ATP8A1: variants seen among roughly 807,000 people sequenced by gnomAD.
The protein encoded by ATP8A1 is ATPase phospholipid transporting 8A1.
ATP8A1 carries 90 observed loss-of-function variants against 177.7 expected under a neutral mutation model. The observed-to-expected ratio is 0.51, with a 90% CI of 0.43 to 0.60. The LOEUF (loss-of-function observed/expected upper bound fraction) is 0.60. ATP8A1 is among the 20% of genes least tolerant of loss of function. The pLI, the probability that ATP8A1 is intolerant of heterozygous loss-of-function variation, is 0.00. For synonymous variants in ATP8A1, 493 were observed against 485.9 expected, an observed-to-expected ratio of 1.01 and a Z score of -0.19; for missense variants, 1,072 against 1,392.8, an observed-to-expected ratio of 0.77 and a Z score of 3.67.
At chr4:42,528,850 G>A (rs1185571204) in intron 20 of ATP8A1, among the ~76,000 whole-genome samples, 1 of 152,166 alleles carries the variant, frequency 6.6e-6, no homozygotes, top group East Asian at 1.9e-4. Flanking sequence ...AGATATTTGT[G>A]TGCCAGAGGA....
intron 18 of ATP8A1, among the ~76,000 whole-genome samples, chr4:42,549,602 A>C (rs1244415910): frequency 6.6e-6 from 1 of 152,086 alleles, no homozygotes; most frequent in Non-Finnish European, 1.5e-5. Context: ...CAGCCTTGGC[A>C]ATATAGCAAG....
intron 1 of ATP8A1, among the ~76,000 whole-genome samples, chr4:42,632,739 C>T (rs1040797999): frequency 5.9e-5 from 9 of 152,226 alleles, no homozygotes; most frequent in African/African-American, 2.2e-4. Flanking sequence ...AAGTGCTCAT[C>T]TTCCCCGAAC....
intron 10 of ATP8A1, among the ~76,000 whole-genome samples, chr4:42,581,389 T>C (rs1045057624): frequency 2.0e-5 from 3 of 152,196 alleles, no homozygotes; most frequent in African/African-American, 7.2e-5. Flanking sequence ...CGCCTTGGCC[T>C]CCCAAAGTGC....
At chr4:42,501,269 C>T (rs1027646623) in intron 24 of ATP8A1, among the ~76,000 whole-genome samples, 4 of 152,236 alleles carry the variant, frequency 2.6e-5, no homozygotes, top group African/African-American at 9.6e-5. Flanking sequence ...ATAATATTCT[C>T]TCTACAAAAT....
At chr4:42,500,702 T>C (rs1431997915) in intron 24 of ATP8A1, among the ~76,000 whole-genome samples, 1 of 152,202 alleles carries the variant, frequency 6.6e-6, no homozygotes, top group Non-Finnish European at 1.5e-5. Context: ...GCTGCTGCTC[T>C]TGCTATGAAA....
intron 1 of ATP8A1, among the ~76,000 whole-genome samples, chr4:42,633,987 A>G (rs935794745): frequency 6.6e-6 from 1 of 152,258 alleles, no homozygotes; most frequent in Non-Finnish European, 1.5e-5. Context: ...AACAGTAAAC[A>G]GAGCATAAAA....
At chr4:42,579,728 A>G (rs1732824828) in intron 11 of ATP8A1, 85 bp downstream of exon 11, 1 of 1,244,590 alleles carries the variant, frequency 8.0e-7, no homozygotes, top group Non-Finnish European at 1.1e-6. Flanking sequence ...TTTAGAAACA[A>G]TACGAAATAA....
chr4:42,611,608 TC>T (rs1736382880), intron 5 of ATP8A1, among the ~76,000 whole-genome samples: 1 of 92,436 alleles, frequency 1.1e-5, no homozygotes, highest in Non-Finnish European at 2.9e-5. Context: ...CTGAACTCCA[TC>T]CATCCTTTCC....
intron 18 of ATP8A1, among the ~76,000 whole-genome samples, chr4:42,550,196 CTT>C (rs34752933): frequency 1.5e-3 from 207 of 141,012 alleles, no homozygotes; most frequent in East Asian, 3.9e-3. Context: ...TTGTGTCTGG[CTT>C]TTTTTTTTTT....
At chr4:42,416,902 G>C (rs967968974) in intron 35 of ATP8A1, among the ~76,000 whole-genome samples, 6 of 152,166 alleles carry the variant, frequency 3.9e-5, no homozygotes, top group African/African-American at 1.4e-4. Flanking sequence ...ACTTTGTAAG[G>C]AGTATTTTTG....
chr4:42,471,823 G>A (rs1720450454), intron 25 of ATP8A1: 5 of 535,482 alleles, frequency 9.3e-6, no homozygotes, highest in Non-Finnish European at 1.4e-5. Flanking sequence ...TTCATTTCAA[G>A]CACCAAGACT....
At chr4:42,646,269 C>T (rs544937757) in intron 1 of ATP8A1, among the ~76,000 whole-genome samples, 6 of 152,142 alleles carry the variant, frequency 3.9e-5, no homozygotes, top group African/African-American at 4.8e-5. Flanking sequence ...AAGGCAGGCC[C>T]CCCCATCCTG....
intron 27 of ATP8A1, among the ~76,000 whole-genome samples, chr4:42,463,632 G>A (rs1719415831): frequency 6.6e-6 from 1 of 152,154 alleles, no homozygotes; most frequent in South Asian, 2.1e-4. Context: ...GGGCTCAGTA[G>A]GTGCTACAAA....
intron 25 of ATP8A1, among the ~76,000 whole-genome samples, chr4:42,465,505 C>T (rs536883550): frequency 1.8e-4 from 28 of 152,294 alleles, no homozygotes; most frequent in Admixed American, 5.9e-4. Flanking sequence ...ATGTACTATA[C>T]ACTTAAAACT....
chr4:42,656,687 C>T, intron 1 of ATP8A1, 138 bp downstream of exon 1: 1 of 1,023,932 alleles, frequency 9.8e-7, no homozygotes, highest in Non-Finnish European at 1.4e-6. Context: ...GGGAAGGGTC[C>T]CCTAGGGGCC....
intron 1 of ATP8A1, among the ~76,000 whole-genome samples, chr4:42,654,416 G>C (rs778112505): frequency 1.7e-4 from 26 of 152,134 alleles, no homozygotes; most frequent in Admixed American, 5.9e-4. Context: ...CATTTCAAGG[G>C]GGGGAAAAGA....
At chr4:42,644,257 A>C (rs1740300989) in intron 1 of ATP8A1, among the ~76,000 whole-genome samples, 1 of 152,214 alleles carries the variant, frequency 6.6e-6, no homozygotes, top group Non-Finnish European at 1.5e-5. Context: ...TAATAAGTTC[A>C]AGGGGGATTC....
At chr4:42,524,686 A>G (rs1726497191) in intron 21 of ATP8A1, 77 bp downstream of exon 21, 1 of 895,738 alleles carries the variant, frequency 1.1e-6, no homozygotes. Context: ...TCTAATAATA[A>G]TAAGGATCCT....
At chr4:42,523,755 T>G (rs1465536961) in intron 21 of ATP8A1, among the ~76,000 whole-genome samples, 1 of 152,196 alleles carries the variant, frequency 6.6e-6, no homozygotes, top group Non-Finnish European at 1.5e-5. Context: ...GCTGGGTAGG[T>G]TGCACCTGCC....
Sources: allele counts gnomAD v4.1 joint callset (sites outside exome capture counted in the v4.1 genomes callset), GRCh38; gene constraint gnomAD v4.1.1; transcripts MANE v1.5; gene names NCBI Gene and HGNC (gene_info 2026-07-23, HGNC 2026-07-21).